Variants in OSBPL8 observed in about 807,000 individuals in gnomAD.
The protein encoded by OSBPL8 is oxysterol-binding protein-related protein 8.
OSBPL8 carries 59 observed loss-of-function variants against 125.5 expected under a neutral mutation model. The ratio of observed to expected loss-of-function variants is 0.47; its 90% CI spans 0.38 to 0.58. The LOEUF (loss-of-function observed/expected upper bound fraction) is 0.58, where lower values mean the gene tolerates loss of function less well. OSBPL8 is among the 20% of genes least tolerant of loss of function. OSBPL8 has a pLI of 0.00. For missense variants in OSBPL8, 758 were observed against 1,047.8 expected, an observed-to-expected ratio of 0.72 and a Z score of 3.82; for synonymous variants, 330 against 338.9, an observed-to-expected ratio of 0.97 and a Z score of 0.29.
intron 1 of OSBPL8, among the ~76,000 whole-genome samples, chr12:76,504,569 TATGACAATGAAAGGGATTCGACCTA>T (rs556181460): frequency 6.6e-6 from 1 of 152,250 alleles, no homozygotes; most frequent in African/African-American, 2.4e-5. Context: ...GTGAGAAAAT[TATGACAATGAAAGGGATTCGACCTA>T]ACCAACTCCA....
At chr12:76,377,882 T>C (rs1295638025) in intron 16 of OSBPL8, among the ~76,000 whole-genome samples, 1 of 152,176 alleles carries the variant, frequency 6.6e-6, no homozygotes, top group Non-Finnish European at 1.5e-5. Context: ...ATAATATTTC[T>C]ATTTTATAGG....
intron 4 of OSBPL8, among the ~76,000 whole-genome samples, chr12:76,418,433 G>T (rs141256879): frequency 6.6e-6 from 1 of 152,108 alleles, no homozygotes; most frequent in Non-Finnish European, 1.5e-5. Flanking sequence ...TCATTAAGTA[G>T]CTAAGTGAGG....
At position 76,369,721 on chromosome 12, in the gene OSBPL8, T is replaced by A; in HGVS notation, c.2156A>T (p.Asp719Val). Reference protein sequence around the residue: ...LEEAQRQAARDRKTKNEEWSC... With the variant: ...LEEAQRQAARVRKTKNEEWSC... ...CCACTCTTCATTTTTTGTTTTCCGA[T>A]CCCTGGCAGCTTGTCTTTGAGCTTC... Residue 719 changes from aspartate to valine, a missense_variant, in exon 20 of 24, where the codon GAT (aspartate) becomes GTT (valine). By Grantham distance (152) the Asp-to-Val change is radical. Transcript: ENST00000261183. 2 of 1,613,738 alleles carry A rather than the reference T, an allele frequency of 1.2e-6. No homozygotes were observed. Among genetic ancestry groups the A allele is most frequent in the Non-Finnish European group, 1.7e-6 (2 of 1,179,746 alleles).
At chr12:76,488,118 T>C (rs749782967) in intron 1 of OSBPL8, among the ~76,000 whole-genome samples, 1 of 152,074 alleles carries the variant, frequency 6.6e-6, no homozygotes, top group Non-Finnish European at 1.5e-5. Context: ...CAGAAATATA[T>C]AAACAATTCC....
At chr12:76,485,667 T>A (rs1049494718) in intron 2 of OSBPL8, among the ~76,000 whole-genome samples, 2 of 152,192 alleles carry the variant, frequency 1.3e-5, no homozygotes, top group Non-Finnish European at 2.9e-5. Context: ...GAAATATAGG[T>A]ATGTAGTCAA....
chr12:76,541,180 A>G (rs538986696), intron 1 of OSBPL8, among the ~76,000 whole-genome samples: 1 of 152,334 alleles, frequency 6.6e-6, no homozygotes, highest in South Asian at 2.1e-4. Flanking sequence ...TTTGCAATTT[A>G]AAAATTATTT....
At chr12:76,423,678 A>G (rs1292701665) in intron 4 of OSBPL8, among the ~76,000 whole-genome samples, 1 of 152,172 alleles carries the variant, frequency 6.6e-6, no homozygotes, top group Non-Finnish European at 1.5e-5. Context: ...CAATTATACT[A>G]AAATCCATAT....
At chr12:76,440,955 A>C (rs1458721703) in intron 4 of OSBPL8, among the ~76,000 whole-genome samples, 3 of 152,160 alleles carry the variant, frequency 2.0e-5, no homozygotes, top group Non-Finnish European at 2.9e-5. Flanking sequence ...TAAATTTCTA[A>C]GACATTTTAC....
rs201845010 is a variant in OSBPL8 at position 76,392,565 on chromosome 12, G to A, written c.929+16C>T. 2,867 of 1,591,684 alleles carry A rather than the reference G, an allele frequency of 1.8e-3. 8 individuals are homozygous for A. The highest frequency in any genetic ancestry group is 2.0e-3 in the Non-Finnish European group (2,310 of 1,163,246). The stretch of plus-strand genomic sequence containing the variant: ...GTCTCTGAAACATTACCAACTCAGC[G>A]GCAGTATCTACTTACTGGAAGTTAT... On this transcript the variant is annotated intron_variant, in intron 10 of 23. Transcript: ENST00000261183.
chr12:76,425,322 A>C (rs184405805), intron 4 of OSBPL8, among the ~76,000 whole-genome samples: 1 of 152,338 alleles, frequency 6.6e-6, no homozygotes, highest in Admixed American at 6.5e-5. Flanking sequence ...AGCCTAATGT[A>C]CTAAGGCATC....
At chr12:76,396,575 C>A (rs1304726679) in intron 8 of OSBPL8, among the ~76,000 whole-genome samples, 1 of 152,010 alleles carries the variant, frequency 6.6e-6, no homozygotes, top group Non-Finnish European at 1.5e-5. Context: ...CACAGAAAGA[C>A]CCCATCTCTA....
rs538573188 is a variant in OSBPL8 at position 76,505,680 on chromosome 12, G to C, written c.-67-18062C>G. 2.6e-5 allele frequency among the ~76,000 whole-genome samples: 4 copies of C among 151,982 alleles called. No individual in the cohort carries two copies. In the East Asian group the frequency reaches 7.8e-4, roughly 30 times the overall value. ...AGGGGGTGAGCAATTCAAATGACTA[G>C]AAGACCCTTCCAAGCAGAAAAGGAA... On this transcript the variant is annotated intron_variant, in intron 1 of 23. Coordinates refer to ENST00000261183, the MANE Select transcript of OSBPL8 (RefSeq NM_020841.5).
At chr12:76,501,837 G>A (rs1022239251) in intron 1 of OSBPL8, among the ~76,000 whole-genome samples, 1 of 152,232 alleles carries the variant, frequency 6.6e-6, no homozygotes, top group Non-Finnish European at 1.5e-5. Context: ...CTTCCATCAC[G>A]AAGGGGCAGC....
At chr12:76,539,906 A>C (rs1291296312) in intron 1 of OSBPL8, among the ~76,000 whole-genome samples, 1 of 152,210 alleles carries the variant, frequency 6.6e-6, no homozygotes, top group African/African-American at 2.4e-5. Flanking sequence ...CATCCCCTAA[A>C]AAAGTAGTCT....
chr12:76,544,087 C>A lies in OSBPL8; in HGVS notation c.-68+15310G>T, dbSNP rs181364643. Among the ~76,000 whole-genome samples the A allele has an allele frequency of 1.9e-4, 29 of 152,260 alleles. No homozygotes were observed. In the East Asian group the frequency reaches 5.6e-3, roughly 29 times the overall value. On this transcript the variant is annotated intron_variant, in intron 1 of 23. Coordinates refer to ENST00000261183, the MANE Select transcript of OSBPL8 (RefSeq NM_020841.5). The stretch of plus-strand genomic sequence containing the variant: ...TATAACTTTAATACAGCAGAATTAA[C>A]ATACAAATAAAGGTCATCTCCATTC...
chr12:76,425,100 G>A (rs1592659358), intron 4 of OSBPL8, among the ~76,000 whole-genome samples: 2 of 152,072 alleles, frequency 1.3e-5, no homozygotes, highest in African/African-American at 4.8e-5. Flanking sequence ...AACAATACTG[G>A]AAGCAGGCCA....
At chr12:76,476,677 A>G (rs1321990793) in intron 2 of OSBPL8, among the ~76,000 whole-genome samples, 1 of 152,176 alleles carries the variant, frequency 6.6e-6, no homozygotes, top group Non-Finnish European at 1.5e-5. Flanking sequence ...AAAATAAGAG[A>G]TGCAAAAGGA....
chr12:76,412,353 T>C (rs1046641648), intron 4 of OSBPL8, among the ~76,000 whole-genome samples: 1 of 152,148 alleles, frequency 6.6e-6, no homozygotes, highest in Non-Finnish European at 1.5e-5. Context: ...CCTTCTGCTA[T>C]GGGAAGTGAT....
At position 76,356,735 on chromosome 12, in the gene OSBPL8, A is replaced by T. The variant is rs781073660; in HGVS notation, c.2435-7T>A. ...CTTGGTTTTACTGATTGAGCTAAAA[A>T]GACATTTAGAATGAAGTTGAAACTA... On this transcript the variant is annotated splice_polypyrimidine_tract_variant and splice_region_variant and intron_variant, in intron 22 of 23. Coordinates refer to ENST00000261183, the MANE Select transcript of OSBPL8 (RefSeq NM_020841.5). 1.1e-5 allele frequency: 17 copies of T among 1,546,098 alleles called. No individual in the cohort carries two copies. The highest frequency in any genetic ancestry group is 1.4e-5 in the Non-Finnish European group (16 of 1,124,550).
Sources: allele counts gnomAD v4.1 joint callset (sites outside exome capture counted in the v4.1 genomes callset), GRCh38; gene constraint gnomAD v4.1.1; transcripts MANE v1.5; gene names NCBI Gene and HGNC (gene_info 2026-07-23, HGNC 2026-07-21).